Variants in LARGE1 observed in about 807,000 individuals in gnomAD.
LARGE1 encodes the protein LARGE xylosyl- and glucuronyltransferase 1, also known as xylosyl- and glucuronyltransferase LARGE1.
Under a neutral mutation model 87.6 loss-of-function variants are expected in LARGE1, and 43 were observed. The observed-to-expected ratio is 0.49, with a 90% CI of 0.38 to 0.63. The LOEUF (loss-of-function observed/expected upper bound fraction) is 0.63, where lower values mean the gene tolerates loss of function less well. Among genes scored for constraint, LARGE1 ranks in the 30% least tolerant of loss-of-function variants. LARGE1 has a pLI of 0.00. For missense variants in LARGE1, 802 were observed against 1,000.2 expected, an observed-to-expected ratio of 0.80 and a Z score of 2.67; for synonymous variants, 434 against 394.6, an observed-to-expected ratio of 1.10 and a Z score of -1.18.
chr22:33,504,061 C>T (rs2070642186), intron 6 of LARGE1, among the ~76,000 whole-genome samples: 1 of 152,112 alleles, frequency 6.6e-6, no homozygotes, highest in Admixed American at 6.5e-5. Context: ...ACAGGAAGTG[C>T]TTACAATGGG....
intron 6 of LARGE1, among the ~76,000 whole-genome samples, chr22:33,443,884 G>A (rs1288066594): frequency 1.3e-5 from 2 of 152,198 alleles, no homozygotes; most frequent in Admixed American, 6.5e-5. Flanking sequence ...CATGGCTGCC[G>A]CCACCTCTCA....
chr22:33,474,206 T>C (rs1196820030), intron 6 of LARGE1, among the ~76,000 whole-genome samples: 1 of 152,124 alleles, frequency 6.6e-6, no homozygotes, highest in East Asian at 1.9e-4. Context: ...TCTCGTTGCC[T>C]AGGCTGAAGT....
chr22:33,208,061 C>T (rs753192152), intron 11 of LARGE1, among the ~76,000 whole-genome samples: 3 of 152,116 alleles, frequency 2.0e-5, no homozygotes, highest in Admixed American at 6.6e-5. Flanking sequence ...AGAGGAAAGC[C>T]ATGCTTTCAT....
At chr22:33,742,666 G>A (rs533365596) in intron 2 of LARGE1, among the ~76,000 whole-genome samples, 8 of 152,294 alleles carry the variant, frequency 5.3e-5, no homozygotes, top group Admixed American at 5.2e-4. Flanking sequence ...ATAAAACCAC[G>A]CAGATGCTTC....
chr22:33,369,210 T>C lies in LARGE1; in HGVS notation c.1131+12709A>G, dbSNP rs1436705392. 7.2e-5 allele frequency among the ~76,000 whole-genome samples: 11 copies of C among 152,224 alleles called. No homozygotes were observed. In the East Asian group the frequency reaches 1.3e-3, roughly 19 times the overall value. On this transcript the variant is annotated intron_variant, in intron 9 of 14. Transcript: ENST00000397394. ...TATTTTAAATCAGATATAATAACAA[T>C]GAACATTACCAAAATGTCACAGGAA...
chr22:33,756,429 G>C (rs1434539152), intron 2 of LARGE1, among the ~76,000 whole-genome samples: 1 of 152,180 alleles, frequency 6.6e-6, no homozygotes, highest in Non-Finnish European at 1.5e-5. Context: ...TACATACAAG[G>C]AGTTAGGTAA....
At chr22:33,425,998 G>A (rs938166877) in intron 7 of LARGE1, among the ~76,000 whole-genome samples, 5 of 152,152 alleles carry the variant, frequency 3.3e-5, no homozygotes, top group Middle Eastern at 3.4e-3. Flanking sequence ...CACCCGCTTC[G>A]GCCTCCTAAA....
chr22:33,605,374 G>A (rs1372082503), intron 4 of LARGE1, among the ~76,000 whole-genome samples: 6 of 152,154 alleles, frequency 3.9e-5, no homozygotes, highest in African/African-American at 4.8e-5. Context: ...GGAGCATTAC[G>A]CAAGGGCAAA....
chr22:33,588,506 TGTGC>T (rs1239816095), intron 5 of LARGE1, among the ~76,000 whole-genome samples: 6 of 101,776 alleles, frequency 5.9e-5, no homozygotes, highest in South Asian at 2.8e-4. Flanking sequence ...AACATATATG[TGTGC>T]GTGTGTGTGT....
At chr22:33,406,892 A>T (rs2066121174) in intron 7 of LARGE1, among the ~76,000 whole-genome samples, 1 of 152,048 alleles carries the variant, frequency 6.6e-6, no homozygotes. Flanking sequence ...TCCCAGGTTC[A>T]GGCGATTCTC....
In LARGE1 at chr22:33,680,401, A is replaced by G. The variant is rs140901508; in HGVS notation, c.107-29733T>C. Reference sequence around the variant, plus strand: ...GGCTTTATTTTTACAATAACTACTGACAGAGAGCAGATCTCACTCTATCCA... The same window carrying G: ...GGCTTTATTTTTACAATAACTACTGGCAGAGAGCAGATCTCACTCTATCCA... On this transcript the variant is annotated intron_variant, in intron 2 of 14. Coordinates refer to ENST00000397394, the MANE Select transcript of LARGE1 (RefSeq NM_133642.5). 5.4e-5 allele frequency among the ~76,000 whole-genome samples: 8 copies of G among 148,868 alleles called. No homozygotes were observed. In the East Asian group the frequency reaches 8.8e-4, roughly 16 times the overall value.
At chr22:33,384,153 C>T in intron 8 of LARGE1, 39 bp downstream of exon 8, 3 of 1,357,704 alleles carry the variant, frequency 2.2e-6, no homozygotes, top group Non-Finnish European at 3.2e-6. Context: ...GCACCAAGCA[C>T]ACTCAGGAAT....
intron 11 of LARGE1, among the ~76,000 whole-genome samples, chr22:33,313,239 C>T (rs892146771): frequency 4.6e-5 from 7 of 152,146 alleles, no homozygotes; most frequent in Non-Finnish European, 8.8e-5. Context: ...CGCTCTATCT[C>T]GGGGAGCCCT....
At chr22:33,878,129 CTTTTTTTTTTTTTTTTTTTT>C (rs1186663464) in intron 1 of LARGE1, among the ~76,000 whole-genome samples, 3 of 44,652 alleles carry the variant, frequency 6.7e-5, no homozygotes, top group Non-Finnish European at 1.0e-4. Context: ...TATTGTATTT[CTTTTTTTTTTTTTTTTTTTT>C]TTTTTAGAGA....
chr22:33,138,755 C>T, the LARGE1 span, among the ~76,000 whole-genome samples: 1 of 152,012 alleles, frequency 6.6e-6, no homozygotes, highest in African/African-American at 2.4e-5. Flanking sequence ...GGACTGTGGA[C>T]TTTTGAGTTA....
chr22:33,620,872 G>A (rs1459819458), intron 4 of LARGE1, among the ~76,000 whole-genome samples: 1 of 152,058 alleles, frequency 6.6e-6, no homozygotes, highest in African/African-American at 2.4e-5. Flanking sequence ...AGCTGAGATT[G>A]CATCAAGATC....
intron 11 of LARGE1, among the ~76,000 whole-genome samples, chr22:33,204,799 A>AT (rs921105775): frequency 6.6e-5 from 10 of 150,886 alleles, no homozygotes; most frequent in Non-Finnish European, 1.0e-4. Context: ...TAATTCCAGC[A>AT]TTTTTTTTCA....
chr22:33,758,668 T>C (rs1174744308), intron 2 of LARGE1, among the ~76,000 whole-genome samples: 1 of 152,198 alleles, frequency 6.6e-6, no homozygotes, highest in African/African-American at 2.4e-5. Flanking sequence ...TCACATTCAC[T>C]CCACCGGCCA....
intron 1 of LARGE1, among the ~76,000 whole-genome samples, chr22:33,816,303 C>T (rs566692436): frequency 6.6e-6 from 1 of 152,240 alleles, no homozygotes; most frequent in East Asian, 1.9e-4. Flanking sequence ...AAACAAAATG[C>T]CACCGACTAG....
Sources: gnomAD v4.1 joint callset for allele counts (sites outside exome capture counted in the v4.1 genomes callset) on GRCh38, gnomAD v4.1.1 for gene constraint, MANE v1.5 for transcripts, NCBI Gene and HGNC (gene_info 2026-07-23, HGNC 2026-07-21) for gene names.